ARHGAP21: variants seen among roughly 807,000 people sequenced by gnomAD.
ARHGAP21 encodes the protein Rho GTPase activating protein 21.
In ARHGAP21, 38 loss-of-function variants were observed where a neutral mutation model predicts 164.6. The ratio of observed to expected loss-of-function variants is 0.23; its 90% CI spans 0.18 to 0.30. The LOEUF (loss-of-function observed/expected upper bound fraction) is 0.30. Among genes scored for constraint, ARHGAP21 ranks in the 10% least tolerant of loss-of-function variants. ARHGAP21 has a pLI of 1.00. For missense variants in ARHGAP21, 1,822 were observed against 2,370.7 expected (o/e 0.77, Z 4.81); for synonymous variants, 766 against 857.9 (o/e 0.89, Z 1.87).
At chr10:24,622,513 G>C (rs1834683131) in intron 8 of ARHGAP21, among the ~76,000 whole-genome samples, 2 of 133,396 alleles carry the variant, frequency 1.5e-5, no homozygotes, top group South Asian at 5.0e-4. Flanking sequence ...TTACGCTGTA[G>C]CATCAGTTAT....
Position 24,584,904 on chromosome 10 carries a change from C to T in ARHGAP21, c.5385G>A (p.Arg1795=). The T allele has an allele frequency of 6.2e-7, 1 of 1,613,890 alleles. No individual in the cohort carries two copies. The highest frequency in any genetic ancestry group is 8.5e-7 in the Non-Finnish European group (1 of 1,179,852). Residue 1795 remains arginine (R), a synonymous_variant, in exon 26 of 26, where the codon AGG becomes AGA. Transcript: ENST00000396432. ...NHKVNAETAK[R]KSIRRRHTLG... ...GTGTATGTCTGCGCCGGATGCTTTT[C>T]CTTTTAGCAGTCTCGGCATTCACTT...
At chr10:24,691,340 T>A (rs1842750360) in intron 2 of ARHGAP21, among the ~76,000 whole-genome samples, 1 of 152,178 alleles carries the variant, frequency 6.6e-6, no homozygotes, top group Admixed American at 6.6e-5. Flanking sequence ...AAGACAGGGC[T>A]TAGACATGGA....
intron 2 of ARHGAP21, among the ~76,000 whole-genome samples, chr10:24,684,577 T>C (rs1454583731): frequency 6.6e-6 from 1 of 152,238 alleles, no homozygotes; most frequent in Non-Finnish European, 1.5e-5. Flanking sequence ...CCCAGGAGTT[T>C]ATCAGTTTGA....
intron 4 of ARHGAP21, among the ~76,000 whole-genome samples, chr10:24,665,346 T>A (rs569791803): frequency 6.6e-5 from 10 of 151,922 alleles, no homozygotes; most frequent in African/African-American, 2.2e-4. Context: ...TTTTAACTCA[T>A]AACCTTTTCA....
chr10:24,684,076 C>T (rs1190151272), intron 2 of ARHGAP21, among the ~76,000 whole-genome samples: 1 of 152,168 alleles, frequency 6.6e-6, no homozygotes, highest in African/African-American at 2.4e-5. Context: ...CGCTTCAGGT[C>T]AGGAATTTGA....
At chr10:24,647,498 G>A (rs1837688968) in intron 4 of ARHGAP21, among the ~76,000 whole-genome samples, 1 of 152,178 alleles carries the variant, frequency 6.6e-6, no homozygotes, top group Admixed American at 6.5e-5. Flanking sequence ...AAGTAGGAGG[G>A]CAGTCAGAAA....
intron 2 of ARHGAP21, among the ~76,000 whole-genome samples, chr10:24,717,588 T>A (rs1031242619): frequency 1.3e-5 from 2 of 151,776 alleles, no homozygotes; most frequent in African/African-American, 4.8e-5. Context: ...CAGGGGACAG[T>A]AGAGGGAAGG....
At chr10:24,628,665 G>GT (rs957625159) in intron 7 of ARHGAP21, among the ~76,000 whole-genome samples, 2 of 151,444 alleles carry the variant, frequency 1.3e-5, no homozygotes, top group Admixed American at 1.3e-4. Flanking sequence ...TCTGTTAGTT[G>GT]TAAGTATGTT....
At chr10:24,650,643 TAATTA>T (rs1395386032) in intron 4 of ARHGAP21, among the ~76,000 whole-genome samples, 1 of 152,174 alleles carries the variant, frequency 6.6e-6, no homozygotes, top group Non-Finnish European at 1.5e-5. Flanking sequence ...AATAAATACA[TAATTA>T]ATTACATTAA....
In ARHGAP21 at chr10:24,583,877, CTG is replaced by C. The variant is rs1002347407; in HGVS notation, c.*533_*534del. 5.2e-5 allele frequency: 8 copies of C among 152,566 alleles called. No homozygotes were observed. The highest frequency in any genetic ancestry group is 1.7e-4 in the African/African-American group (7 of 41,426). 9.5% of individuals were successfully genotyped at this position (152,566 alleles called of 1,614,324 possible). Reference sequence around the variant, plus strand: ...ATTCAAGTCACACAAAACTCAAAAACTGTATTAAAAGTTTGAATATAAAACTC... The same window carrying C: ...ATTCAAGTCACACAAAACTCAAAAACTATTAAAAGTTTGAATATAAAACTC... On this transcript the variant is annotated 3_prime_UTR_variant, in exon 26 of 26. Coordinates refer to ENST00000396432, the MANE Select transcript of ARHGAP21 (RefSeq NM_020824.4).
intron 22 of ARHGAP21, 65 bp from the exon 23 acceptor site, chr10:24,591,748 G>C (rs2076340837): frequency 7.5e-6 from 12 of 1,600,640 alleles, no homozygotes; most frequent in Non-Finnish European, 1.0e-5. Flanking sequence ...GATCTTGGAG[G>C]ATAGTATAGA....
intron 4 of ARHGAP21, among the ~76,000 whole-genome samples, chr10:24,665,995 A>AT (rs2131725925): frequency 6.6e-6 from 1 of 152,258 alleles, no homozygotes; most frequent in East Asian, 1.9e-4. Flanking sequence ...ATTGCTTAGT[A>AT]TTGTTGATTG....
chr10:24,667,140 T>G, intron 3 of ARHGAP21, 131 bp from the exon 4 acceptor site: 2 of 476,964 alleles, frequency 4.2e-6, no homozygotes, highest in Non-Finnish European at 7.3e-6. Flanking sequence ...AACAATATTC[T>G]TAATGATCAC....
At chr10:24,623,088 G>A (rs1380132764) in intron 7 of ARHGAP21, among the ~76,000 whole-genome samples, 1 of 152,052 alleles carries the variant, frequency 6.6e-6, no homozygotes. Context: ...TTCCCTCCAC[G>A]AAAGCAACAG....
chr10:24,689,552 C>T (rs533995057), intron 2 of ARHGAP21, among the ~76,000 whole-genome samples: 73 of 152,084 alleles, frequency 4.8e-4, no homozygotes, highest in African/African-American at 1.5e-3. Context: ...CCAGCCTGGG[C>T]AATATGGCAA....
chr10:24,699,981 GT>G (rs886360395), intron 2 of ARHGAP21, among the ~76,000 whole-genome samples: 4 of 152,070 alleles, frequency 2.6e-5, no homozygotes, highest in Admixed American at 6.6e-5. Flanking sequence ...AGAGAGAGGT[GT>G]TTTTTTTCCT....
chr10:24,648,419 CT>C (rs1837802940), intron 4 of ARHGAP21, among the ~76,000 whole-genome samples: 1 of 152,204 alleles, frequency 6.6e-6, no homozygotes, highest in African/African-American at 2.4e-5. Flanking sequence ...GCAGCTATCA[CT>C]TTTTCCCTAA....
intron 4 of ARHGAP21, among the ~76,000 whole-genome samples, chr10:24,644,232 A>G (rs1281601143): frequency 6.6e-6 from 1 of 152,180 alleles, no homozygotes; most frequent in Non-Finnish European, 1.5e-5. Context: ...TCATGTGAGA[A>G]AATCCCTAGT....
chr10:24,632,538 T>C (rs547306152), intron 6 of ARHGAP21, among the ~76,000 whole-genome samples: 1 of 152,326 alleles, frequency 6.6e-6, no homozygotes, highest in Non-Finnish European at 1.5e-5. Context: ...GAAATGGCAA[T>C]GTATTAGGGC....
Sources: allele counts gnomAD v4.1 joint callset (sites outside exome capture counted in the v4.1 genomes callset), GRCh38; gene constraint gnomAD v4.1.1; transcripts MANE v1.5; gene names NCBI Gene and HGNC (gene_info 2026-07-23, HGNC 2026-07-21).